LRP1B: variants seen among roughly 807,000 people sequenced by gnomAD.
LRP1B encodes the protein LDL receptor related protein 1B.
LRP1B carries 217 observed loss-of-function variants against 556.6 expected under a neutral mutation model. The ratio of observed to expected loss-of-function variants is 0.39; its 90% CI spans 0.35 to 0.44. The LOEUF (loss-of-function observed/expected upper bound fraction) is 0.44. Ranked by LOEUF, LRP1B falls within the 20% of genes least tolerant of loss-of-function variation. The probability of loss-of-function intolerance (pLI) is 1.00; values close to 1 mark genes in which losing one functional copy is unlikely to be tolerated. For synonymous variants in LRP1B, 2,047 were observed against 1,865.8 expected, an observed-to-expected ratio of 1.10 and a Z score of -2.50; for missense variants, 5,053 against 5,620.8, an observed-to-expected ratio of 0.90 and a Z score of 3.23.
At chr2:140,283,718 C>T (rs534844238) in intron 84 of LRP1B, among the ~76,000 whole-genome samples, 1 of 151,660 alleles carries the variant, frequency 6.6e-6, no homozygotes, top group African/African-American at 2.4e-5. Flanking sequence ...ACAATGATGG[C>T]ATCAATAGTT....
At chr2:142,046,172 T>C (rs1704251037) in intron 1 of LRP1B, among the ~76,000 whole-genome samples, 1 of 151,902 alleles carries the variant, frequency 6.6e-6, no homozygotes, top group Non-Finnish European at 1.5e-5. Flanking sequence ...GTTAGGATGT[T>C]AGACACTCAT....
At chr2:141,290,622 C>G (rs1369907369) in intron 3 of LRP1B, among the ~76,000 whole-genome samples, 1 of 152,016 alleles carries the variant, frequency 6.6e-6, no homozygotes, top group East Asian at 1.9e-4. Context: ...TAATACCTGA[C>G]TTAATTTTAA....
intron 27 of LRP1B, among the ~76,000 whole-genome samples, chr2:140,854,285 C>T (rs1020985940): frequency 1.1e-4 from 16 of 152,060 alleles, no homozygotes; most frequent in African/African-American, 3.6e-4. Context: ...TAACACCCTA[C>T]AATTATGAAA....
chr2:141,254,775 A>T, intron 3 of LRP1B, 134 bp from the exon 4 acceptor site: 1 of 584,828 alleles, frequency 1.7e-6, no homozygotes, highest in South Asian at 3.0e-5. Context: ...CTAGAAAAAA[A>T]TATTTACCTA....
intron 25 of LRP1B, among the ~76,000 whole-genome samples, chr2:140,877,174 C>G (rs187195292): frequency 8.1e-4 from 123 of 152,158 alleles, no homozygotes; most frequent in Non-Finnish European, 1.5e-3. Context: ...AAGAATATAA[C>G]AGCAACCTAT....
chr2:140,601,762 T>A (rs1205578441), intron 41 of LRP1B, 123 bp from the exon 42 acceptor site: 1 of 560,784 alleles, frequency 1.8e-6, no homozygotes, highest in Non-Finnish European at 2.8e-6. Flanking sequence ...CTCCACAAAA[T>A]CTCCAAAATA....
At chr2:140,258,069 A>G (rs1681773615) in intron 86 of LRP1B, among the ~76,000 whole-genome samples, 4 of 152,170 alleles carry the variant, frequency 2.6e-5, no homozygotes. Flanking sequence ...ACCTTGTGAC[A>G]GAAACAGAAC....
intron 1 of LRP1B, among the ~76,000 whole-genome samples, chr2:142,058,967 A>G (rs887172838): frequency 1.3e-5 from 2 of 152,106 alleles, no homozygotes; most frequent in African/African-American, 4.8e-5. Flanking sequence ...ATAGTAGGGC[A>G]TGATTTATAG....
chr2:140,290,524 T>C (rs1046287016), intron 84 of LRP1B, among the ~76,000 whole-genome samples: 14 of 152,112 alleles, frequency 9.2e-5, no homozygotes, highest in Non-Finnish European at 1.9e-4. Flanking sequence ...ATTCAAATAC[T>C]GAGGAAGGGG....
chr2:140,301,434 G>A (rs185404974), intron 83 of LRP1B, among the ~76,000 whole-genome samples: 2 of 151,784 alleles, frequency 1.3e-5, no homozygotes, highest in Admixed American at 6.6e-5. Flanking sequence ...AATATCTTCC[G>A]AGTCTGTCTA....
At chr2:140,907,310 G>GAACA (rs1694285852) in intron 22 of LRP1B, among the ~76,000 whole-genome samples, 1 of 151,754 alleles carries the variant, frequency 6.6e-6, no homozygotes, top group African/African-American at 2.4e-5. Flanking sequence ...GCTAGTCAAC[G>GAACA]TGATTTCAAA....
chr2:141,422,987 G>C (rs73963079), intron 3 of LRP1B, among the ~76,000 whole-genome samples: 1 of 152,162 alleles, frequency 6.6e-6, no homozygotes, highest in Non-Finnish European at 1.5e-5. Flanking sequence ...AAAGTCAGAT[G>C]AAAATGATAT....
At chr2:141,853,823 T>G (rs1697949543) in intron 1 of LRP1B, among the ~76,000 whole-genome samples, 2 of 152,008 alleles carry the variant, frequency 1.3e-5, no homozygotes, top group South Asian at 4.1e-4. Context: ...AGAAAAGAGT[T>G]TGAAAACTAT....
intron 77 of LRP1B, among the ~76,000 whole-genome samples, chr2:140,344,736 G>A (rs566551502): frequency 6.6e-6 from 1 of 151,826 alleles, no homozygotes; most frequent in African/African-American, 2.4e-5. Context: ...GACAGGGGAT[G>A]ATATCAATTA....
intron 2 of LRP1B, among the ~76,000 whole-genome samples, chr2:141,662,176 A>T (rs1339666233): frequency 6.6e-6 from 1 of 152,232 alleles, no homozygotes; most frequent in Non-Finnish European, 1.5e-5. Flanking sequence ...GAACTCCTGA[A>T]GGAAGCACTA....
At chr2:140,951,999 T>A in intron 18 of LRP1B, 59 bp from the exon 19 acceptor site, 1 of 1,203,988 alleles carries the variant, frequency 8.3e-7, no homozygotes, top group Non-Finnish European at 1.2e-6. Flanking sequence ...CATGACATAA[T>A]TCGTATCATC....
chr2:140,416,450 A>T (rs1180985612), intron 66 of LRP1B, among the ~76,000 whole-genome samples: 1 of 151,982 alleles, frequency 6.6e-6, no homozygotes, highest in Non-Finnish European at 1.5e-5. Context: ...GAGCTCAGGA[A>T]TTTGAGACCA....
intron 3 of LRP1B, among the ~76,000 whole-genome samples, chr2:141,255,656 C>T (rs1049690352): frequency 6.6e-6 from 1 of 152,020 alleles, no homozygotes. Context: ...AACCTCTTTC[C>T]TAATATTCTG....
chr2:141,968,570 G>A (rs1209003672), intron 1 of LRP1B, among the ~76,000 whole-genome samples: 8 of 151,426 alleles, frequency 5.3e-5, no homozygotes, highest in African/African-American at 1.5e-4. Flanking sequence ...TTATCCTGAC[G>A]TGTATTTCTA....
Sources: gnomAD v4.1 joint callset for allele counts (sites outside exome capture counted in the v4.1 genomes callset) on GRCh38, gnomAD v4.1.1 for gene constraint, MANE v1.5 for transcripts, NCBI Gene and HGNC (gene_info 2026-07-23, HGNC 2026-07-21) for gene names.